Variants in TTC28 observed in about 807,000 individuals in gnomAD.
TTC28 encodes tetratricopeptide repeat domain 28.
A neutral mutation model predicts 198.0 loss-of-function variants in TTC28; 61 were observed. The ratio of observed to expected loss-of-function variants is 0.31; its 90% CI spans 0.25 to 0.38. The LOEUF is 0.38. Ranked by LOEUF, TTC28 falls within the 10% of genes least tolerant of loss-of-function variation. The pLI, the probability that TTC28 is intolerant of heterozygous loss-of-function variation, is 1.00. For missense variants in TTC28, 2,678 were observed against 3,164.0 expected (o/e 0.85, Z 3.69); for synonymous variants, 1,171 against 1,297.8 (o/e 0.90, Z 2.10).
chr22:28,535,442 T>C (rs2049245486), intron 2 of TTC28, among the ~76,000 whole-genome samples: 1 of 152,208 alleles, frequency 6.6e-6, no homozygotes. Flanking sequence ...TTAAATGAGA[T>C]TACATAGTAT....
chr22:28,160,825 G>C (rs1921085862), intron 6 of TTC28, among the ~76,000 whole-genome samples: 1 of 152,090 alleles, frequency 6.6e-6, no homozygotes, highest in East Asian at 1.9e-4. Flanking sequence ...TGCCACTTTT[G>C]TAACTTTTAA....
chr22:27,992,674 A>G lies in TTC28; in HGVS notation c.5477-11T>C. The G allele has an allele frequency of 6.4e-7, 1 of 1,550,794 alleles. No individual in the cohort carries two copies. The highest frequency in any genetic ancestry group is 8.7e-7 in the Non-Finnish European group (1 of 1,146,670). Reference sequence around the variant, plus strand: ...CAGGATTGGGCAGACCTAAACCAAGAAAAAAGGGTAGAAGTTATTCAGAAG... The same window carrying G: ...CAGGATTGGGCAGACCTAAACCAAGGAAAAAGGGTAGAAGTTATTCAGAAG... On this transcript the variant is annotated splice_polypyrimidine_tract_variant and intron_variant, in intron 18 of 22. Transcript: ENST00000397906.
intron 2 of TTC28, among the ~76,000 whole-genome samples, chr22:28,548,928 C>T (rs2049600552): frequency 1.3e-5 from 2 of 152,208 alleles, no homozygotes; most frequent in Admixed American, 1.3e-4. Context: ...GACTTTACCA[C>T]TACAGTAAGT....
At chr22:28,227,686 G>A (rs1052207212) in intron 5 of TTC28, among the ~76,000 whole-genome samples, 3 of 151,910 alleles carry the variant, frequency 2.0e-5, no homozygotes, top group African/African-American at 7.3e-5. Context: ...GCACTCATTA[G>A]GATGTTATTA....
chr22:28,356,684 C>T (rs1418653603), intron 2 of TTC28, among the ~76,000 whole-genome samples: 1 of 152,160 alleles, frequency 6.6e-6, no homozygotes, highest in African/African-American at 2.4e-5. Flanking sequence ...TGTCCAAACC[C>T]AAGCCCTGTC....
intron 6 of TTC28, among the ~76,000 whole-genome samples, chr22:28,129,121 C>T (rs972054463): frequency 1.1e-4 from 17 of 152,136 alleles, no homozygotes; most frequent in South Asian, 2.1e-4. Flanking sequence ...TAGGTACTTA[C>T]GCCACTACTC....
At chr22:28,115,413 C>G (rs946106320) in intron 6 of TTC28, among the ~76,000 whole-genome samples, 1 of 152,234 alleles carries the variant, frequency 6.6e-6, no homozygotes, top group South Asian at 2.1e-4. Context: ...TCTTTTCCCT[C>G]ACCATACACA....
chr22:28,295,334 T>C (rs1217434120), intron 5 of TTC28, among the ~76,000 whole-genome samples: 1 of 152,226 alleles, frequency 6.6e-6, no homozygotes, highest in East Asian at 1.9e-4. Flanking sequence ...ATAAACTTTT[T>C]GTTGCCTCTG....
chr22:27,983,023 C>T lies in TTC28; in HGVS notation c.6644G>A (p.Ser2215Asn). ...CTTCTGATGGGAGAGAACAGGCCTG[C>T]TGAACGCACTGGTTTCTGACGCTCT... ...VFRASETSAF[S>N]RPVLSHQKSQ... Residue 2215 changes from serine to asparagine, a missense_variant, in exon 23 of 23, where the codon AGC becomes AAC. By Grantham distance (46) the Ser-to-Asn change is conservative (BLOSUM62 1). Coordinates refer to ENST00000397906, the MANE Select transcript of TTC28 (RefSeq NM_001145418.2). 6.4e-7 allele frequency: 1 copy of T among 1,551,688 alleles called. No individual in the cohort carries two copies. The highest frequency in any genetic ancestry group is 8.7e-7 in the Non-Finnish European group (1 of 1,146,980).
intron 2 of TTC28, among the ~76,000 whole-genome samples, chr22:28,308,488 T>C (rs996548287): frequency 6.6e-6 from 1 of 152,224 alleles, no homozygotes; most frequent in Non-Finnish European, 1.5e-5. Context: ...TTAGTATCAA[T>C]GAATTCTGAT....
intron 2 of TTC28, among the ~76,000 whole-genome samples, chr22:28,492,296 A>C (rs73430105): frequency 0.031 from 4,745 of 152,244 alleles, 240 homozygotes; most frequent in African/African-American, 0.11. Flanking sequence ...ACCAATTAAA[A>C]GACAAAAAAA....
intron 2 of TTC28, among the ~76,000 whole-genome samples, chr22:28,399,302 G>C (rs1160187313): frequency 6.8e-6 from 1 of 146,000 alleles, no homozygotes; most frequent in African/African-American, 2.5e-5. Flanking sequence ...GTTTGTATAA[G>C]TTGAGACTAA....
chr22:28,018,620 G>A (rs1938475947), intron 13 of TTC28, among the ~76,000 whole-genome samples: 1 of 152,140 alleles, frequency 6.6e-6, no homozygotes, highest in Non-Finnish European at 1.5e-5. Context: ...AGTGGCCCTG[G>A]TCCACCTTGA....
intron 2 of TTC28, among the ~76,000 whole-genome samples, chr22:28,612,684 C>G (rs2050838821): frequency 6.6e-6 from 1 of 152,164 alleles, no homozygotes; most frequent in Admixed American, 6.5e-5. Context: ...GAAAGTCACT[C>G]AAAACCACAC....
chr22:28,604,297 T>TACATATATA (rs1053139903), intron 2 of TTC28, among the ~76,000 whole-genome samples: 7 of 114,122 alleles, frequency 6.1e-5, no homozygotes, highest in African/African-American at 2.1e-4. Flanking sequence ...AAAAAAAAAA[T>TACATATATA]TATATATATA....
chr22:28,186,626 C>T (rs1924230706), intron 5 of TTC28, among the ~76,000 whole-genome samples: 1 of 152,138 alleles, frequency 6.6e-6, no homozygotes, highest in Non-Finnish European at 1.5e-5. Context: ...GGGCACATTT[C>T]CAGAAGGTTC....
chr22:28,463,275 T>G (rs993181844), intron 2 of TTC28, among the ~76,000 whole-genome samples: 3 of 152,228 alleles, frequency 2.0e-5, no homozygotes, highest in African/African-American at 7.2e-5. Flanking sequence ...GGCTCTTTTT[T>G]GGTTCCATAT....
At chr22:28,515,167 AAATC>A (rs2048760550) in intron 2 of TTC28, among the ~76,000 whole-genome samples, 1 of 152,210 alleles carries the variant, frequency 6.6e-6, no homozygotes, top group African/African-American at 2.4e-5. Context: ...TATGAAATAA[AAATC>A]AAAGCAATTT....
intron 1 of TTC28, among the ~76,000 whole-genome samples, chr22:28,650,854 T>A (rs183502850): frequency 2.5e-3 from 376 of 152,350 alleles, no homozygotes; most frequent in Non-Finnish European, 3.3e-3. Context: ...TCTCCTCTCA[T>A]TCCCATTTTT....
Sources: allele counts gnomAD v4.1 joint callset (sites outside exome capture counted in the v4.1 genomes callset), GRCh38; gene constraint gnomAD v4.1.1; transcripts MANE v1.5; gene names NCBI Gene and HGNC (gene_info 2026-07-23, HGNC 2026-07-21).